CUEDC2: variants seen among roughly 807,000 people sequenced by gnomAD.
CUEDC2 encodes CUE domain containing 2.
A neutral mutation model predicts 36.0 loss-of-function variants in CUEDC2; 10 were observed. The ratio of observed to expected loss-of-function variants is 0.28; its 90% CI spans 0.17 to 0.47. The LOEUF is 0.47. Among genes scored for constraint, CUEDC2 ranks in the 20% least tolerant of loss-of-function variants. The probability of loss-of-function intolerance (pLI) is 0.99; values close to 1 mark genes in which losing one functional copy is unlikely to be tolerated. For synonymous variants in CUEDC2, 133 were observed against 141.8 expected (o/e 0.94, Z 0.44); for missense variants, 269 against 368.1 (o/e 0.73, Z 2.20).
At chr10:102,428,851 G>T (rs539869805) in intron 1 of CUEDC2, among the ~76,000 whole-genome samples, 1 of 151,926 alleles carries the variant, frequency 6.6e-6, no homozygotes, top group African/African-American at 2.4e-5. Context: ...GTGAAACCCC[G>T]TCTCTACTAA....
At chr10:102,426,990 G>C (rs896367022) in intron 1 of CUEDC2, among the ~76,000 whole-genome samples, 2 of 151,878 alleles carry the variant, frequency 1.3e-5, no homozygotes, top group African/African-American at 4.8e-5. Flanking sequence ...GAGGTCATCA[G>C]TTACTTTTTC....
rs1266415087 is a variant in CUEDC2, at chr10:102,424,644, C to G, written c.218+5G>C. 1.2e-6 allele frequency: 2 copies of G among 1,614,092 alleles called. No individual in the cohort carries two copies. The highest frequency in any genetic ancestry group is 3.3e-5 in the Admixed American group (2 of 60,014). ...TTCCTCCTCCTGGCCCTAGCCAGAA[C>G]CTACCTGGGGATGTGGGCGAAGCCA... On this transcript the variant is annotated splice_donor_5th_base_variant and intron_variant, in intron 3 of 8. Coordinates refer to ENST00000369937, the MANE Select transcript of CUEDC2 (RefSeq NM_024040.3). This position sits in a 1 kb window ranked among gnomAD's most constrained non-coding sequence, Gnocchi z 4.2.
intron 1 of CUEDC2, among the ~76,000 whole-genome samples, chr10:102,428,461 T>C (rs544299212): frequency 2.8e-4 from 43 of 152,200 alleles, no homozygotes; most frequent in Non-Finnish European, 5.6e-4. Context: ...CAAGTATGTA[T>C]TGAGCACCTA....
At position 102,425,109 on chromosome 10, in the gene CUEDC2, C is replaced by G. The variant is rs779910721; in HGVS notation, c.74+6G>C. 1.7e-5 allele frequency: 28 copies of G among 1,612,960 alleles called. No individual in the cohort carries two copies. In the Middle Eastern group the frequency reaches 9.9e-4, roughly 57 times the overall value. ...GACATGAGCCTTCCGGGGGACCCGT[C>G]TCTACCTGAGGTCGGCCTCCGGGAG... is the stretch of plus-strand genomic sequence containing the variant. On this transcript the variant is annotated splice_donor_region_variant and intron_variant, in intron 2 of 8. Coordinates refer to ENST00000369937, the MANE Select transcript of CUEDC2 (RefSeq NM_024040.3).
At chr10:102,425,246 A>C (rs1589907282) in intron 1 of CUEDC2, 48 bp from the exon 2 acceptor site, 1 of 1,434,632 alleles carries the variant, frequency 7.0e-7, no homozygotes, top group Non-Finnish European at 9.8e-7. Context: ...GCCTGCCCCC[A>C]CCCACTGGGC....
intron 1 of CUEDC2, among the ~76,000 whole-genome samples, chr10:102,429,656 C>T (rs1331753689): frequency 7.1e-6 from 1 of 140,562 alleles, no homozygotes; most frequent in Non-Finnish European, 1.5e-5. Flanking sequence ...ATGGCTCAGC[C>T]CAGGCATACT....
intron 1 of CUEDC2, among the ~76,000 whole-genome samples, chr10:102,432,107 T>C (rs920999657): frequency 3.9e-5 from 6 of 152,254 alleles, no homozygotes; most frequent in Admixed American, 1.3e-4. Flanking sequence ...GAGGATATCA[T>C]TGTCCTCTGA....
At position 102,425,211 on chromosome 10, in the gene CUEDC2, A is replaced by G; in HGVS notation, c.-10-13T>C. The G allele has an allele frequency of 6.2e-7, 1 of 1,606,974 alleles. No homozygotes were observed. The highest frequency in any genetic ancestry group is 8.5e-7 in the Non-Finnish European group (1 of 1,174,198). On this transcript the variant is annotated splice_polypyrimidine_tract_variant and intron_variant, in intron 1 of 8. Coordinates refer to ENST00000369937, the MANE Select transcript of CUEDC2 (RefSeq NM_024040.3). ...CATGCTCTCTCTTCTGAAGGGACAC[A>G]GACAGGATGGCCAGGCCTTCTTCTG...
chr10:102,427,966 C>T (rs1589908208), intron 1 of CUEDC2, among the ~76,000 whole-genome samples: 1 of 151,862 alleles, frequency 6.6e-6, no homozygotes, highest in Non-Finnish European at 1.5e-5. Context: ...GTTTTTGAGA[C>T]AGCCTCACTC....
intron 1 of CUEDC2, among the ~76,000 whole-genome samples, chr10:102,429,101 C>A (rs2061607896): frequency 6.6e-6 from 1 of 152,114 alleles, no homozygotes; most frequent in African/African-American, 2.4e-5. Context: ...GACATCACCC[C>A]TGACCTAGAA....
At position 102,430,256 on chromosome 10, in the gene CUEDC2, C is replaced by G. The variant is rs371881231; in HGVS notation, c.-11+2270G>C. ...CGATCTTGGCTCACCGCAACCTCCA[C>G]CTCCTGGGTTCAAGCGATTCTCCTG... On this transcript the variant is annotated intron_variant, in intron 1 of 8. Transcript: ENST00000369937. 1.3e-3 allele frequency among the ~76,000 whole-genome samples: 194 copies of G among 151,698 alleles called. 5 individuals are homozygous for G. The South Asian group carries it at 0.037, about 29-fold the overall frequency.
intron 1 of CUEDC2, among the ~76,000 whole-genome samples, chr10:102,430,357 C>T (rs1478185408): frequency 6.6e-6 from 1 of 151,474 alleles, no homozygotes; most frequent in Admixed American, 6.6e-5. Context: ...TTAGTAGAGA[C>T]AGGGTTTCTC....
rs543941583 is a variant in CUEDC2 at position 102,423,486 on chromosome 10, G to A, written c.804C>T (p.Ala268=). The A allele has an allele frequency of 3.1e-6, 5 of 1,614,110 alleles. No homozygotes were observed. The highest frequency in any genetic ancestry group is 4.2e-6 in the Non-Finnish European group (5 of 1,180,024). ...TGATGTATGTGGCCTTCATCTCCTC[G>A]GCCTCAGGGTTCCGCACATCTTTGA... ...ERFKDVRNPE[A]EEMKATYINL... is the part of the protein sequence containing the mutation. Residue 268 remains alanine, a synonymous_variant, in exon 9 of 9, where the codon GCC becomes GCT. Transcript: ENST00000369937. This position sits in a 1 kb window ranked among gnomAD's most constrained non-coding sequence, Gnocchi z 5.6.
At chr10:102,428,083 A>AAT (rs1311152510) in intron 1 of CUEDC2, among the ~76,000 whole-genome samples, 2,034 of 152,298 alleles carry the variant, frequency 0.013, 44 homozygotes, top group African/African-American at 0.047. Context: ...CTGGGATTAC[A>AAT]GACATGTGCA....
At chr10:102,430,189 A>T (rs2135473527) in intron 1 of CUEDC2, among the ~76,000 whole-genome samples, 1 of 92,044 alleles carries the variant, frequency 1.1e-5, no homozygotes, top group African/African-American at 4.4e-5. Context: ...TACTTTTGAG[A>T]CAGAGTTTCA....
At chr10:102,427,166 C>T (rs1401829492) in intron 1 of CUEDC2, among the ~76,000 whole-genome samples, 3 of 152,116 alleles carry the variant, frequency 2.0e-5, no homozygotes, top group East Asian at 1.9e-4. Context: ...TTTCCTTCTA[C>T]CTCTCTGGCC....
intron 1 of CUEDC2, among the ~76,000 whole-genome samples, chr10:102,429,013 C>A (rs1279152223): frequency 5.1e-5 from 7 of 136,950 alleles, no homozygotes; most frequent in African/African-American, 1.8e-4. Context: ...CAGAGTGAGA[C>A]TTTGTCTCAA....
At chr10:102,427,136 G>A (rs2061600090) in intron 1 of CUEDC2, among the ~76,000 whole-genome samples, 1 of 152,040 alleles carries the variant, frequency 6.6e-6, no homozygotes, top group South Asian at 2.1e-4. Flanking sequence ...TTTGGTTTCT[G>A]AGATGCCATT....
intron 1 of CUEDC2, among the ~76,000 whole-genome samples, chr10:102,432,012 G>A (rs12415921): frequency 6.6e-6 from 1 of 151,996 alleles, no homozygotes; most frequent in South Asian, 2.1e-4. Flanking sequence ...GGCAGCAAGG[G>A]GTCTAGCATG....
Sources: gnomAD v4.1 joint callset for allele counts (sites outside exome capture counted in the v4.1 genomes callset) on GRCh38, gnomAD v4.1.1 for gene constraint, Gnocchi (gnomAD v3.1) non-coding constraint, MANE v1.5 for transcripts, NCBI Gene and HGNC (gene_info 2026-07-23, HGNC 2026-07-21) for gene names.